OR4F17: variants seen among roughly 807,000 people sequenced by gnomAD.
OR4F17 encodes olfactory receptor 4F17.
For missense variants in OR4F17, 1 was observed against 323.6 expected (o/e 0.00, Z 7.65); for synonymous variants, 1 against 120.7 (o/e 0.01, Z 6.50).
intron 2 of OR4F17, among the ~76,000 whole-genome samples, chr19:109,055 CA>C (rs1161493074): frequency 6.6e-6 from 1 of 151,514 alleles, no homozygotes; most frequent in Non-Finnish European, 1.5e-5. Context: ...AGTATTCCTC[CA>C]AAAAAGATGG....
At chr19:107,789 A>G (rs1437700647) in intron 2 of OR4F17, among the ~76,000 whole-genome samples, 5 of 126,192 alleles carry the variant, frequency 4.0e-5, no homozygotes, top group African/African-American at 5.8e-5. Context: ...TATATATTAC[A>G]TATTATATAT....
chr19:107,622 A>T (rs1208556517), intron 2 of OR4F17, 67 bp downstream of exon 2: 2 of 452,146 alleles, frequency 4.4e-6, no homozygotes, highest in Non-Finnish European at 8.7e-6. Flanking sequence ...TCATTTTAAA[A>T]ACAGGAAAGC....
intron 2 of OR4F17, among the ~76,000 whole-genome samples, chr19:108,165 A>C (rs796087175): frequency 1.7e-4 from 14 of 82,740 alleles, no homozygotes; most frequent in South Asian, 8.3e-4. Flanking sequence ...AATATGTATA[A>C]TATATATTAT....
chr19:109,680 C>CT (rs1381469117), intron 2 of OR4F17, among the ~76,000 whole-genome samples: 1 of 138,856 alleles, frequency 7.2e-6, no homozygotes, highest in African/African-American at 2.6e-5. Flanking sequence ...TAAAGTTGTG[C>CT]TATTATCACC....
intron 2 of OR4F17, among the ~76,000 whole-genome samples, chr19:108,403 A>G (rs1186394975): frequency 6.6e-6 from 1 of 151,838 alleles, no homozygotes; most frequent in African/African-American, 2.4e-5. Context: ...ATAATTTTTA[A>G]AAAGTCAGAA....
intron 2 of OR4F17, among the ~76,000 whole-genome samples, chr19:108,034 A>C (rs1276676099): frequency 1.9e-5 from 2 of 105,780 alleles, no homozygotes; most frequent in African/African-American, 3.6e-5. Context: ...ATATTATAGA[A>C]TATAATATAT....
intron 2 of OR4F17, among the ~76,000 whole-genome samples, chr19:109,517 TAA>T (rs1270701111): frequency 8.0e-6 from 1 of 124,606 alleles, no homozygotes; most frequent in Non-Finnish European, 1.7e-5. Context: ...CCCAATTACT[TAA>T]AGACATTGGA....
chr19:108,206 T>C, intron 2 of OR4F17, among the ~76,000 whole-genome samples: 1 of 135,582 alleles, frequency 7.4e-6, no homozygotes, highest in South Asian at 2.2e-4. Flanking sequence ...TATAAATATA[T>C]ATATTATATA....
Position 107,549 on chromosome 19 carries a change from CAT to C in OR4F17, c.-59_-58del, listed in dbSNP as rs1968625608. ...AACTTGGTTTGGAGCATTTCTTTCACATAAAGGTACAAATCATACTGCTAGAG... is the reference window on the plus strand; with the variant it reads ...AACTTGGTTTGGAGCATTTCTTTCACAAAGGTACAAATCATACTGCTAGAG... On this transcript the variant is annotated 5_prime_UTR_variant, in exon 2 of 3. The change creates a premature stop within an existing upstream ORF in the 5' untranslated region. Transcript: ENST00000585993. 1 of 464,746 alleles carries C rather than the reference CAT, an allele frequency of 2.2e-6. No individual in the cohort carries two copies. The highest frequency in any genetic ancestry group is 2.0e-5 in the African/African-American group (1 of 51,182). 28.8% of individuals were successfully genotyped at this position (464,746 alleles called of 1,614,324 possible).
At position 108,070 on chromosome 19, in the gene OR4F17, GAATAT is replaced by G. The variant is rs1483872764; in HGVS notation, c.-55+522_-55+526del. Among the ~76,000 whole-genome samples the G allele has an allele frequency of 4.7e-5, 5 of 106,156 alleles. No individual in the cohort carries two copies. In the East Asian group the frequency reaches 1.3e-3, roughly 27 times the overall value. The allele number at this position is 106,156 out of a possible 152,430, so 69.6% of individuals were successfully genotyped here. On this transcript the variant is annotated intron_variant, in intron 2 of 2. Coordinates refer to ENST00000585993, the MANE Select transcript of OR4F17 (RefSeq NM_001005240.3). The stretch of plus-strand genomic sequence containing the variant: ...ATTTTATTATAAAATATATATTATA[GAATAT>G]AATATATATTTTATTATATAATATA...
chr19:109,569 T>C (rs1968679084), intron 2 of OR4F17, among the ~76,000 whole-genome samples: 1 of 124,566 alleles, frequency 8.0e-6, no homozygotes, highest in Non-Finnish European at 1.7e-5. Flanking sequence ...CCAAAAAATA[T>C]TTTGTTATCA....
intron 2 of OR4F17, among the ~76,000 whole-genome samples, chr19:107,799 TA>T (rs1968632593): frequency 8.2e-6 from 1 of 121,468 alleles, no homozygotes; most frequent in African/African-American, 3.0e-5. Flanking sequence ...ATATTATATA[TA>T]TATAATATAT....
chr19:109,961 ACATTGAGTC>A (rs1469264002), intron 2 of OR4F17, among the ~76,000 whole-genome samples: 16 of 151,882 alleles, frequency 1.1e-4, no homozygotes, highest in Non-Finnish European at 1.6e-4. Flanking sequence ...CTTCCAATTC[ACATTGAGTC>A]CAGAGCTAAA....
intron 2 of OR4F17, among the ~76,000 whole-genome samples, chr19:107,866 T>TATAATATAATATAATATA (rs1968636168): frequency 2.4e-5 from 1 of 41,748 alleles, no homozygotes; most frequent in East Asian, 8.1e-4. Flanking sequence ...AATATATATT[T>TATAATATAATATAATATA]TATTATATAA....
intron 2 of OR4F17, among the ~76,000 whole-genome samples, chr19:109,787 G>C (rs1204942822): frequency 3.4e-5 from 5 of 147,806 alleles, no homozygotes; most frequent in Middle Eastern, 3.5e-3. Flanking sequence ...TTGAACACAG[G>C]CCTCCTAGCA....
At chr19:110,065 C>T (rs1425587044) in intron 2 of OR4F17, among the ~76,000 whole-genome samples, 1 of 144,800 alleles carries the variant, frequency 6.9e-6, no homozygotes, top group Non-Finnish European at 1.5e-5. Context: ...AAATCTCTTA[C>T]CAGTTTTATC....
chr19:109,843 C>G (rs1163004369), intron 2 of OR4F17, among the ~76,000 whole-genome samples: 1 of 151,998 alleles, frequency 6.6e-6, no homozygotes, highest in East Asian at 1.9e-4. Flanking sequence ...TCGATGGGAT[C>G]TTACAGGTCT....
At chr19:107,830 A>AT (rs1968634000) in intron 2 of OR4F17, among the ~76,000 whole-genome samples, 1 of 99,618 alleles carries the variant, frequency 1.0e-5, no homozygotes, top group African/African-American at 3.6e-5. Context: ...TATATAATAT[A>AT]AATATAATAT....
chr19:107,798 A>AT (rs1193266219), intron 2 of OR4F17, among the ~76,000 whole-genome samples: 7 of 123,750 alleles, frequency 5.7e-5, no homozygotes, highest in African/African-American at 1.5e-4. Flanking sequence ...CATATTATAT[A>AT]TATATAATAT....
Sources: allele counts gnomAD v4.1 joint callset (sites outside exome capture counted in the v4.1 genomes callset), GRCh38; gene constraint gnomAD v4.1.1; transcripts MANE v1.5; gene names NCBI Gene and HGNC (gene_info 2026-07-23, HGNC 2026-07-21).